The following VPS13A variants were observed in gnomAD, a reference collection of about 807,000 sequenced individuals.
VPS13A encodes the protein vacuolar protein sorting 13 homolog A, also known as intermembrane lipid transfer protein VPS13A.
In VPS13A, 264 loss-of-function variants were observed where a neutral mutation model predicts 390.9. The observed-to-expected ratio is 0.68, with a 90% CI of 0.61 to 0.75. VPS13A has a LOEUF of 0.75. Among genes scored for constraint, VPS13A ranks in the 30% least tolerant of loss-of-function variants. The probability of loss-of-function intolerance (pLI) is 0.00; values close to 1 mark genes in which losing one functional copy is unlikely to be tolerated. For synonymous variants in VPS13A, 1,231 were observed against 1,227.1 expected, an observed-to-expected ratio of 1.00 and a Z score of -0.07; for missense variants, 3,409 against 3,733.9, an observed-to-expected ratio of 0.91 and a Z score of 2.27.
At chr9:77,341,524 T>G (rs1247368810) in intron 50 of VPS13A, among the ~76,000 whole-genome samples, 1 of 151,996 alleles carries the variant, frequency 6.6e-6, no homozygotes, top group African/African-American at 2.4e-5. Context: ...GCTACTATTG[T>G]TTCTTTAAAT....
At chr9:77,220,953 A>G (rs1014935027) in intron 12 of VPS13A, among the ~76,000 whole-genome samples, 2 of 152,054 alleles carry the variant, frequency 1.3e-5, no homozygotes, top group African/African-American at 2.4e-5. Context: ...GTGTAGAACT[A>G]TATTTAACAA....
chr9:77,421,320 G>A lies in VPS13A; in HGVS notation c.*5314G>A, dbSNP rs1388269799. The stretch of plus-strand genomic sequence containing the variant: ...TCTGCCTTGGTTTTGTGTATTCTAA[G>A]ATAATTTATAAACACAGATATTTAC... On this transcript the variant is annotated 3_prime_UTR_variant, in exon 72 of 72. Coordinates refer to ENST00000360280, the MANE Select transcript of VPS13A (RefSeq NM_033305.3). 3 of 152,126 alleles carry A rather than the reference G, an allele frequency of 2.0e-5. No homozygotes were observed. The highest frequency in any genetic ancestry group is 2.9e-5 in the Non-Finnish European group (2 of 68,034). The allele number at this position is 152,126 out of a possible 1,614,324, so 9.4% of individuals were successfully genotyped here.
At chr9:77,376,679 TAGACATCCAAATGG>T (rs1487637497) in intron 67 of VPS13A, among the ~76,000 whole-genome samples, 2 of 152,186 alleles carry the variant, frequency 1.3e-5, no homozygotes, top group Non-Finnish European at 2.9e-5. Flanking sequence ...AAATATCTCT[TAGACATCCAAATGG>T]AGACATCACG....
At chr9:77,372,184 G>C (rs1832811376) in intron 67 of VPS13A, among the ~76,000 whole-genome samples, 1 of 151,594 alleles carries the variant, frequency 6.6e-6, no homozygotes, top group Non-Finnish European at 1.5e-5. Context: ...GGATGGCTGG[G>C]TCAAATGGTA....
chr9:77,220,365 A>G lies in VPS13A; in HGVS notation c.971A>G (p.His324Arg), dbSNP rs138568018. 158 of 1,610,104 alleles carry G rather than the reference A, an allele frequency of 9.8e-5. No individual in the cohort carries two copies. Among genetic ancestry groups the G allele is most frequent in the Non-Finnish European group, 1.6e-5 (19 of 1,178,224 alleles). ...AAGTTCAAACCTGATGTGCCTCTTC[A>G]CCACCATGCCAGAGAATGGTAAATG... is the stretch of plus-strand genomic sequence containing the variant. ...YRKFKPDVPL[H>R]HHAREWWAYA... is the part of the protein sequence containing the mutation. The change falls in exon 12 of 72, where the codon CAC (histidine) becomes CGC (arginine). Residue 324 changes from histidine to arginine, a missense_variant. Around this residue, in one of 5 missense-constraint regions of VPS13A, gnomAD observed 2,717 missense variants for 2,917.4 expected, o/e 0.93. Coordinates refer to ENST00000360280, the MANE Select transcript of VPS13A (RefSeq NM_033305.3).
chr9:77,247,817 C>T lies in VPS13A; in HGVS notation c.2037+422C>T, dbSNP rs552319264. ...CTGGGATTACATGTGCCCGCCACCACGCCCACCTAATTTTTGTATTTTTAG... is the reference window on the plus strand; with the variant it reads ...CTGGGATTACATGTGCCCGCCACCATGCCCACCTAATTTTTGTATTTTTAG... On this transcript the variant is annotated intron_variant, in intron 20 of 71. Transcript: ENST00000360280. Among the ~76,000 whole-genome samples the T allele has an allele frequency of 4.0e-4, 61 of 152,230 alleles. No individual in the cohort carries two copies. The South Asian group carries it at 4.8e-3, about 12-fold the overall frequency.
Position 77,280,239 on chromosome 9 carries a change from G to C in VPS13A, c.2904+1G>C. 6.2e-7 allele frequency: 1 copy of C among 1,610,684 alleles called. No individual in the cohort carries two copies. The highest frequency in any genetic ancestry group is 8.5e-7 in the Non-Finnish European group (1 of 1,177,474). On this transcript the variant is annotated splice_donor_variant, in intron 27 of 71. Transcript: ENST00000360280. LOFTEE classifies it high-confidence loss of function. ...CCTGTTAACGCTGGAATATGTAAAG[G>C]TAAGCAGTTTCATTTATATCTGCTT...
At chr9:77,267,460 C>T (rs1257808094) in intron 23 of VPS13A, among the ~76,000 whole-genome samples, 1 of 152,208 alleles carries the variant, frequency 6.6e-6, no homozygotes, top group Admixed American at 6.5e-5. Context: ...TGGAGGTCCA[C>T]TGCAGACCCT....
chr9:77,258,456 T>C (rs889748200), intron 22 of VPS13A, among the ~76,000 whole-genome samples: 1 of 152,158 alleles, frequency 6.6e-6, no homozygotes, highest in Non-Finnish European at 1.5e-5. Context: ...CTTTACCTCA[T>C]AGTGACTCTA....
intron 1 of VPS13A, among the ~76,000 whole-genome samples, chr9:77,188,005 A>G (rs1824445314): frequency 6.6e-6 from 1 of 152,100 alleles, no homozygotes; most frequent in Non-Finnish European, 1.5e-5. Context: ...GACTGGTGGG[A>G]GGCAGTTGGG....
intron 67 of VPS13A, among the ~76,000 whole-genome samples, chr9:77,377,201 C>CTTTTT (rs1472652165): frequency 1.8e-5 from 2 of 108,272 alleles, no homozygotes; most frequent in African/African-American, 6.9e-5. Context: ...ATTTTTGATG[C>CTTTTT]TGTTTTTTTT....
chr9:77,362,254 C>T (rs980260424), intron 59 of VPS13A, among the ~76,000 whole-genome samples: 3 of 152,016 alleles, frequency 2.0e-5, no homozygotes, highest in Non-Finnish European at 2.9e-5. Context: ...GAATATCTTA[C>T]GTTTTACGAA....
At chr9:77,386,007 G>T (rs1453985910) in intron 68 of VPS13A, among the ~76,000 whole-genome samples, 1 of 152,020 alleles carries the variant, frequency 6.6e-6, no homozygotes, top group African/African-American at 2.4e-5. Context: ...TGTAAAATTT[G>T]TTTGAAAACA....
At chr9:77,313,137 A>G (rs1324493548) in intron 35 of VPS13A, among the ~76,000 whole-genome samples, 4 of 152,212 alleles carry the variant, frequency 2.6e-5, no homozygotes, top group African/African-American at 9.6e-5. Context: ...TCTCAGAAAC[A>G]TTATTTTGAC....
intron 68 of VPS13A, chr9:77,384,804 C>T (rs1833613614): frequency 2.0e-6 from 3 of 1,489,288 alleles, no homozygotes; most frequent in East Asian, 5.0e-5. Flanking sequence ...AAAATGTTTT[C>T]CTACACATTT....
intron 22 of VPS13A, among the ~76,000 whole-genome samples, chr9:77,259,264 T>C (rs1438030553): frequency 1.3e-5 from 2 of 152,134 alleles, no homozygotes; most frequent in African/African-American, 2.4e-5. Flanking sequence ...CCAGCATCTT[T>C]AGACTGCGCA....
intron 68 of VPS13A, among the ~76,000 whole-genome samples, chr9:77,399,879 T>C (rs970436367): frequency 6.6e-6 from 1 of 152,222 alleles, no homozygotes; most frequent in Non-Finnish European, 1.5e-5. Context: ...TATGTACATG[T>C]ATGCATTTCT....
intron 1 of VPS13A, among the ~76,000 whole-genome samples, chr9:77,189,659 A>G (rs1589971892): frequency 6.6e-6 from 1 of 152,176 alleles, no homozygotes; most frequent in East Asian, 1.9e-4. Flanking sequence ...GCAGTTTGAT[A>G]GGAATAGCAT....
intron 1 of VPS13A, 160 bp downstream of exon 1, chr9:77,177,964 G>T (rs776630457): frequency 2.6e-4 from 165 of 625,400 alleles, no homozygotes; most frequent in Non-Finnish European, 4.2e-4. Context: ...AAGCCGGGCG[G>T]CAGTTCCCTG....
Sources: gnomAD v4.1 joint callset for allele counts (sites outside exome capture counted in the v4.1 genomes callset) on GRCh38, gnomAD v4.1.1 for gene constraint, gnomAD v4.1.1 regional missense constraint, MANE v1.5 for transcripts, NCBI Gene and HGNC (gene_info 2026-07-23, HGNC 2026-07-21) for gene names.